Variants in GANAB observed in about 807,000 individuals in gnomAD.
The protein encoded by GANAB is neutral alpha-glucosidase AB.
In GANAB, 35 loss-of-function variants were observed where a neutral mutation model predicts 129.9. The observed-to-expected ratio is 0.27, with a 90% CI of 0.21 to 0.36. The LOEUF (loss-of-function observed/expected upper bound fraction) is 0.36. Ranked by LOEUF, GANAB falls within the 10% of genes least tolerant of loss-of-function variation. GANAB has a pLI of 1.00. For missense variants in GANAB, 939 were observed against 1,221.0 expected, an observed-to-expected ratio of 0.77 and a Z score of 3.44; for synonymous variants, 482 against 451.8, an observed-to-expected ratio of 1.07 and a Z score of -0.85.
chr11:62,630,808 G>A lies in GANAB; in HGVS notation c.1179C>T (p.Ser393=). 1 of 1,613,960 alleles carries A rather than the reference G, an allele frequency of 6.2e-7. No homozygotes were observed. Among genetic ancestry groups the A allele is most frequent in the East Asian group, 2.2e-5 (1 of 44,878 alleles). The change falls in exon 11 of 24, where the codon TCC becomes TCT. Residue 393 remains serine, a synonymous_variant. Transcript: ENST00000356638. ...TCCAACGGCTCTGGTGGTAGCCGAG[G>A]GAGAAGAGTGGGGGCAACGCCTGGG... ...TGTQALPPLF[S]LGYHQSRWNY...
rs773559132 is a variant in GANAB, at chr11:62,630,323, G to A, written c.1514-47C>T. The A allele has an allele frequency of 3.1e-6, 5 of 1,613,114 alleles. No individual in the cohort carries two copies. In the African/African-American group the frequency reaches 5.3e-5, roughly 17 times the overall value. On this transcript the variant is annotated intron_variant, in intron 12 of 23. Coordinates refer to ENST00000356638, the MANE Select transcript of GANAB (RefSeq NM_198334.3). Reference sequence around the variant, plus strand: ...TCTCAATCCCCTAAGGGGCAAAAGAGCCACCATTCTACCCCGCTGGCCAAT... The same window carrying A: ...TCTCAATCCCCTAAGGGGCAAAAGAACCACCATTCTACCCCGCTGGCCAAT...
chr11:62,625,315 T>A lies in GANAB; in HGVS notation c.*500A>T, dbSNP rs1218099074. 3 of 455,230 alleles carry A rather than the reference T, an allele frequency of 6.6e-6. No individual in the cohort carries two copies. Among genetic ancestry groups the A allele is most frequent in the Non-Finnish European group, 1.3e-5 (3 of 226,542 alleles). The allele number at this position is 455,230 out of a possible 1,614,324, so 28.2% of individuals were successfully genotyped here. A position where few individuals can be genotyped will look rare whatever the true frequency, so the allele number is the denominator to read the frequency against. On this transcript the variant is annotated 3_prime_UTR_variant, in exon 24 of 24. Transcript: ENST00000356638. Reference sequence around the variant, plus strand: ...TCCGGGGTAAGGGGTGGTCCCAGTGTATCGGTGGGGCATAAAAAGGGGAGT... The same window carrying A: ...TCCGGGGTAAGGGGTGGTCCCAGTGAATCGGTGGGGCATAAAAAGGGGAGT...
intron 15 of GANAB, 70 bp from the exon 16 acceptor site, chr11:62,629,365 C>T (rs1943553544): frequency 5.5e-6 from 6 of 1,086,660 alleles, no homozygotes; most frequent in African/African-American, 1.5e-5. Flanking sequence ...GCTGACCTCC[C>T]ACATCCGCTC....
intron 22 of GANAB, 72 bp downstream of exon 22, chr11:62,626,263 C>G (rs1943368867): frequency 7.5e-7 from 1 of 1,331,934 alleles, no homozygotes; most frequent in Non-Finnish European, 1.1e-6. Context: ...GAAAAGAGCA[C>G]AGTGAACTGG....
intron 4 of GANAB, among the ~76,000 whole-genome samples, 185 bp from the exon 5 acceptor site, chr11:62,635,185 T>C (rs928983771): frequency 2.0e-5 from 3 of 152,046 alleles, no homozygotes; most frequent in Admixed American, 6.6e-5. Context: ...TTTATTACTT[T>C]TTTCTTTTTT....
chr11:62,628,205 C>CTTTTTTTTTTTT (rs58757640), intron 17 of GANAB, among the ~76,000 whole-genome samples: 2 of 98,410 alleles, frequency 2.0e-5, no homozygotes, highest in Non-Finnish European at 3.7e-5. Context: ...CTTCTCAAAA[C>CTTTTTTTTTTTT]TTTTTTTTTT....
At chr11:62,639,277 T>C in intron 3 of GANAB, 82 bp downstream of exon 3, 1 of 1,261,180 alleles carries the variant, frequency 7.9e-7, no homozygotes, top group Non-Finnish European at 1.2e-6. Context: ...TGGGACAAGA[T>C]GTTGGCCACA....
At chr11:62,632,967 G>T in intron 8 of GANAB, 38 bp downstream of exon 8, 1 of 1,274,852 alleles carries the variant, frequency 7.8e-7, no homozygotes, top group Middle Eastern at 2.2e-4. Flanking sequence ...ACTCCTTCCT[G>T]CCCACCTCCA....
chr11:62,630,553 T>C (rs754918739), intron 11 of GANAB, 48 bp from the exon 12 acceptor site: 1 of 1,613,612 alleles, frequency 6.2e-7, no homozygotes, highest in Non-Finnish European at 8.5e-7. Flanking sequence ...GGCTAAACTA[T>C]GCTTCAGCCC....
intron 1 of GANAB, among the ~76,000 whole-genome samples, chr11:62,645,836 T>C (rs1590831890): frequency 6.6e-6 from 1 of 152,124 alleles, no homozygotes; most frequent in African/African-American, 2.4e-5. Flanking sequence ...CTTTGGAGAG[T>C]ACACGCCTAC....
chr11:62,625,104 C>G lies in GANAB; in HGVS notation c.*711G>C, dbSNP rs1316134770. ...CCCCTCAAAGGGGACAAGAAGGGGG[C>G]AAAAGAAGTTTAATGCGCATCCCCT... On this transcript the variant is annotated 3_prime_UTR_variant, in exon 24 of 24. Transcript: ENST00000356638. The G allele has an allele frequency of 1.7e-5, 7 of 402,246 alleles. No individual in the cohort carries two copies. The highest frequency in any genetic ancestry group is 3.4e-5 in the Non-Finnish European group (7 of 203,938). 24.9% of individuals were successfully genotyped at this position (402,246 alleles called of 1,614,324 possible). A position where few individuals can be genotyped will look rare whatever the true frequency, so the allele number is the denominator to read the frequency against.
intron 16 of GANAB, 87 bp downstream of exon 16, chr11:62,629,107 T>C (rs1943539439): frequency 6.5e-7 from 1 of 1,548,148 alleles, no homozygotes; most frequent in East Asian, 2.3e-5. Flanking sequence ...GACTCTCAAC[T>C]CTCTTTGCTT....
At chr11:62,628,205 CTT>C (rs58757640) in intron 17 of GANAB, among the ~76,000 whole-genome samples, 1,394 of 98,452 alleles carry the variant, frequency 0.014, 19 homozygotes, top group African/African-American at 0.052. Context: ...CTTCTCAAAA[CTT>C]TTTTTTTTTT....
chr11:62,627,405 C>CA (rs1482480488), intron 17 of GANAB, 52 bp from the exon 18 acceptor site: 2 of 977,924 alleles, frequency 2.0e-6, no homozygotes, highest in Non-Finnish European at 3.3e-6. Context: ...TGGCACAAGT[C>CA]AGAAATGCTC....
chr11:62,630,802 G>C lies in GANAB; in HGVS notation c.1185C>G (p.Gly395=), dbSNP rs113677430. Residue 395 remains glycine (G), a synonymous_variant, in exon 11 of 24, where the codon GGC becomes GGG. Transcript: ENST00000356638. ...TQALPPLFSL[G]YHQSRWNYRD... ...GGTAGTTCCAACGGCTCTGGTGGTA[G>C]CCGAGGGAGAAGAGTGGGGGCAACG... The C allele has an allele frequency of 3.7e-6, 6 of 1,613,998 alleles. No individual in the cohort carries two copies. In the East Asian group the frequency reaches 1.3e-4, roughly 36 times the overall value.
intron 23 of GANAB, 32 bp downstream of exon 23, chr11:62,626,033 C>A: frequency 6.5e-7 from 1 of 1,546,990 alleles, no homozygotes. Context: ...TCCCCTCCTT[C>A]CCCCATCCTA....
chr11:62,634,597 G>A (rs1237980599), intron 5 of GANAB: 1 of 615,134 alleles, frequency 1.6e-6, no homozygotes. Context: ...TCCCAGAGAT[G>A]CCCAGGGTAC....
At chr11:62,629,358 G>T in intron 15 of GANAB, 63 bp from the exon 16 acceptor site, 3 of 1,146,988 alleles carry the variant, frequency 2.6e-6, no homozygotes, top group Non-Finnish European at 4.0e-6. Context: ...TTACATGGCT[G>T]ACCTCCCACA....
At chr11:62,636,418 T>C (rs1194806229) in intron 4 of GANAB, among the ~76,000 whole-genome samples, 1 of 149,914 alleles carries the variant, frequency 6.7e-6, no homozygotes, top group Admixed American at 6.6e-5. Flanking sequence ...CTGGGCAACA[T>C]GGCAAAAACC....
Sources: gnomAD v4.1 joint callset for allele counts (sites outside exome capture counted in the v4.1 genomes callset) on GRCh38, gnomAD v4.1.1 for gene constraint, MANE v1.5 for transcripts, NCBI Gene and HGNC (gene_info 2026-07-23, HGNC 2026-07-21) for gene names.